Variants in CPNE4 observed in about 807,000 individuals in gnomAD.
CPNE4 encodes copine-4.
Under a neutral mutation model 67.9 loss-of-function variants are expected in CPNE4, and 25 were observed. The ratio of observed to expected loss-of-function variants is 0.37; its 90% CI spans 0.27 to 0.51. The LOEUF (loss-of-function observed/expected upper bound fraction) is 0.51, where lower values mean the gene tolerates loss of function less well. Among genes scored for constraint, CPNE4 ranks in the 20% least tolerant of loss-of-function variants. The pLI is 0.93. For missense variants in CPNE4, 464 were observed against 690.8 expected (o/e 0.67, Z 3.68); for synonymous variants, 242 against 244.9 (o/e 0.99, Z 0.11).
chr3:131,664,258 C>G (rs1388180128), intron 7 of CPNE4, among the ~76,000 whole-genome samples: 2 of 152,168 alleles, frequency 1.3e-5, no homozygotes, highest in East Asian at 3.8e-4. Context: ...ACCCTCTCAC[C>G]ATTTTCTTCT....
At chr3:131,545,490 ATTAG>A (rs1315305119) in intron 14 of CPNE4, among the ~76,000 whole-genome samples, 25 of 152,200 alleles carry the variant, frequency 1.6e-4, no homozygotes, top group Admixed American at 5.2e-4. Context: ...TCAAATTAAT[ATTAG>A]TTCTACTTGT....
At chr3:131,884,656 G>T (rs962490544) in intron 2 of CPNE4, among the ~76,000 whole-genome samples, 1 of 152,144 alleles carries the variant, frequency 6.6e-6, no homozygotes, top group Non-Finnish European at 1.5e-5. Context: ...ATTCCCACGT[G>T]TTGTGGGAGG....
chr3:131,930,677 C>A (rs67150432), intron 1 of CPNE4, among the ~76,000 whole-genome samples: 25,099 of 151,970 alleles, frequency 0.17, 2,454 homozygotes, highest in African/African-American at 0.28. Flanking sequence ...TGAATAGTAA[C>A]TCCCTTCCTT....
chr3:131,830,497 T>G (rs2085322769), intron 2 of CPNE4, among the ~76,000 whole-genome samples: 1 of 152,116 alleles, frequency 6.6e-6, no homozygotes, highest in African/African-American at 2.4e-5. Context: ...CTCCTTGATA[T>G]TTTTTGAACT....
chr3:131,926,673 T>G (rs1294804881), intron 1 of CPNE4, among the ~76,000 whole-genome samples: 1 of 152,156 alleles, frequency 6.6e-6, no homozygotes, highest in Non-Finnish European at 1.5e-5. Flanking sequence ...ATTTTAAAGT[T>G]GGTACCTGCA....
intron 3 of CPNE4, among the ~76,000 whole-genome samples, chr3:131,704,702 T>C (rs987169402): frequency 3.9e-5 from 6 of 152,206 alleles, no homozygotes; most frequent in Non-Finnish European, 4.4e-5. Flanking sequence ...TTCTTGTCAT[T>C]TAATGATCAT....
chr3:131,784,766 C>T (rs1037142104), intron 2 of CPNE4, among the ~76,000 whole-genome samples: 2 of 152,096 alleles, frequency 1.3e-5, no homozygotes, highest in Admixed American at 1.3e-4. Flanking sequence ...CCTCAAATAA[C>T]ATACCTATAT....
At chr3:131,946,785 C>CTAAG (rs1488430300) in intron 1 of CPNE4, among the ~76,000 whole-genome samples, 1 of 152,124 alleles carries the variant, frequency 6.6e-6, no homozygotes, top group East Asian at 1.9e-4. Flanking sequence ...GGTGTCAAAT[C>CTAAG]TAAGCATTCA....
intron 1 of CPNE4, among the ~76,000 whole-genome samples, chr3:131,948,927 CATT>C (rs1397755917): frequency 1.3e-5 from 2 of 152,164 alleles, no homozygotes; most frequent in African/African-American, 2.4e-5. Context: ...GAACCAGTAT[CATT>C]ATGTGAAGAA....
chr3:131,855,565 C>T (rs1459249201), intron 2 of CPNE4, among the ~76,000 whole-genome samples: 1 of 151,974 alleles, frequency 6.6e-6, no homozygotes, highest in Non-Finnish European at 1.5e-5. Context: ...GCAGCTCTAC[C>T]TTCTTGAATT....
intron 2 of CPNE4, among the ~76,000 whole-genome samples, chr3:131,817,112 G>C (rs1189619943): frequency 2.6e-5 from 4 of 152,202 alleles, no homozygotes; most frequent in Non-Finnish European, 5.9e-5. Context: ...GTTGGGAAAG[G>C]ATGAGGAGGT....
chr3:132,034,679 T>A lies in CPNE4; in HGVS notation c.-114A>T, dbSNP rs7648888. ...AGTGGAGGTGGTTGGTGTGGTAGTT[T>A]TGTACTGATGTAAGGGGCGTCGCAC... On this transcript the variant is annotated 5_prime_UTR_variant, in exon 1 of 16. Coordinates refer to ENST00000429747, the MANE Select transcript of CPNE4 (RefSeq NM_130808.3). 917,043 of 985,340 alleles carry A rather than the reference T, an allele frequency of 0.93. 427,223 individuals are homozygous for A. The highest frequency in any genetic ancestry group is 0.98 in the African/African-American group (56,403 of 57,286). The allele number at this position is 985,340 out of a possible 1,614,324, so 61.0% of individuals were successfully genotyped here. A position where few individuals can be genotyped will look rare whatever the true frequency, so the allele number is the denominator to read the frequency against.
chr3:131,961,866 CTCCCTTT>C (rs570207616), intron 1 of CPNE4, among the ~76,000 whole-genome samples: 65 of 152,316 alleles, frequency 4.3e-4, no homozygotes, highest in African/African-American at 1.5e-3. Flanking sequence ...TCTCTCCCTT[CTCCCTTT>C]TCCCTACTCA....
chr3:131,828,668 C>G (rs138315980), intron 2 of CPNE4, among the ~76,000 whole-genome samples: 217 of 152,234 alleles, frequency 1.4e-3, no homozygotes, highest in Non-Finnish European at 2.8e-3. Context: ...CTGTTGAGTT[C>G]ACACATTGTA....
At chr3:131,961,656 G>C (rs373129910) in intron 1 of CPNE4, among the ~76,000 whole-genome samples, 3 of 151,984 alleles carry the variant, frequency 2.0e-5, no homozygotes, top group Admixed American at 2.0e-4. Context: ...CTGCTCTGTT[G>C]TCTATTCCTG....
At chr3:131,802,134 A>G (rs1223621204) in intron 2 of CPNE4, among the ~76,000 whole-genome samples, 1 of 152,146 alleles carries the variant, frequency 6.6e-6, no homozygotes, top group Admixed American at 6.5e-5. Flanking sequence ...ATCAAAGTAG[A>G]GTGCAAGACT....
At chr3:131,813,876 T>G (rs1234761702) in intron 2 of CPNE4, among the ~76,000 whole-genome samples, 1 of 152,170 alleles carries the variant, frequency 6.6e-6, no homozygotes, top group Non-Finnish European at 1.5e-5. Context: ...AATTCTTGTG[T>G]TGAAGATTTG....
chr3:131,716,943 C>CG (rs1327516862), intron 3 of CPNE4, among the ~76,000 whole-genome samples: 53 of 152,200 alleles, frequency 3.5e-4, no homozygotes, highest in Admixed American at 2.6e-4. Flanking sequence ...CTGCCCTGCC[C>CG]GGGGGTGCCC....
At chr3:131,559,809 T>A (rs1444419317) in intron 11 of CPNE4, among the ~76,000 whole-genome samples, 1 of 151,958 alleles carries the variant, frequency 6.6e-6, no homozygotes, top group African/African-American at 2.4e-5. Context: ...TGGATGATGG[T>A]GGATATCAAA....
Sources: allele counts gnomAD v4.1 joint callset (sites outside exome capture counted in the v4.1 genomes callset), GRCh38; gene constraint gnomAD v4.1.1; transcripts MANE v1.5; gene names NCBI Gene and HGNC (gene_info 2026-07-23, HGNC 2026-07-21).